The following FARS2 variants were observed in gnomAD, a reference collection of about 807,000 sequenced individuals.
FARS2 encodes the protein phenylalanyl-tRNA synthetase 2, mitochondrial, also known as phenylalanine--tRNA ligase, mitochondrial.
A neutral mutation model predicts 46.4 loss-of-function variants in FARS2; 40 were observed. The ratio of observed to expected loss-of-function variants is 0.86; its 90% confidence interval spans 0.67 to 1.12. The LOEUF is 1.12. Ranked by LOEUF, FARS2 falls within the 50% of genes most tolerant of loss-of-function variation. The probability of loss-of-function intolerance (pLI) is 0.00; values close to 1 mark genes in which losing one functional copy is unlikely to be tolerated. For synonymous variants in FARS2, 234 were observed against 214.9 expected, an observed-to-expected ratio of 1.09 and a Z score of -0.78; for missense variants, 513 against 567.9, an observed-to-expected ratio of 0.90 and a Z score of 0.98.
At chr6:5,447,206 A>G (rs148744724) in intron 4 of FARS2, among the ~76,000 whole-genome samples, 154 of 152,304 alleles carry the variant, frequency 1.0e-3, no homozygotes, top group Non-Finnish European at 1.9e-3. Flanking sequence ...GCGCTAAATG[A>G]TGAGGGCAGG....
chr6:5,574,485 T>C (rs1270870227), intron 5 of FARS2, among the ~76,000 whole-genome samples: 1 of 152,222 alleles, frequency 6.6e-6, no homozygotes, highest in Non-Finnish European at 1.5e-5. Context: ...AAACACCCTA[T>C]GCCTCCCTCA....
intron 6 of FARS2, among the ~76,000 whole-genome samples, chr6:5,628,276 A>C (rs954160338): frequency 5.9e-5 from 9 of 152,200 alleles, no homozygotes; most frequent in African/African-American, 2.2e-4. Context: ...TTTCTGAAGG[A>C]AGGTAACATG....
At chr6:5,543,878 TTGTTTGC>T (rs2150496682) in intron 4 of FARS2, among the ~76,000 whole-genome samples, 1 of 137,734 alleles carries the variant, frequency 7.3e-6, no homozygotes, top group Non-Finnish European at 1.6e-5. Flanking sequence ...TTATGTTTGT[TTGTTTGC>T]TTTTTTTTTT....
intron 5 of FARS2, among the ~76,000 whole-genome samples, chr6:5,589,099 A>C (rs1019672298): frequency 6.6e-5 from 10 of 152,172 alleles, no homozygotes; most frequent in Admixed American, 4.6e-4. Context: ...AAGGAACTGC[A>C]TCTCTGATAC....
chr6:5,536,187 G>A (rs953179103), intron 4 of FARS2, among the ~76,000 whole-genome samples: 2 of 151,930 alleles, frequency 1.3e-5, no homozygotes, highest in African/African-American at 4.8e-5. Flanking sequence ...AAGTAGCTGG[G>A]ACTACAGGCT....
chr6:5,451,011 G>C (rs1764460076), intron 4 of FARS2, among the ~76,000 whole-genome samples: 1 of 152,120 alleles, frequency 6.6e-6, no homozygotes, highest in South Asian at 2.1e-4. Context: ...CAGGAATCTA[G>C]TATTTTAGAT....
At chr6:5,299,992 T>A (rs1437795868) in intron 1 of FARS2, among the ~76,000 whole-genome samples, 1 of 152,210 alleles carries the variant, frequency 6.6e-6, no homozygotes, top group East Asian at 1.9e-4. Context: ...TTTTTATTTA[T>A]ATATGAGAGC....
intron 6 of FARS2, among the ~76,000 whole-genome samples, chr6:5,670,662 G>A (rs988239830): frequency 6.6e-6 from 1 of 152,182 alleles, no homozygotes; most frequent in Middle Eastern, 3.2e-3. Flanking sequence ...ATGCTTCTGA[G>A]TAGGATCCTG....
intron 1 of FARS2, among the ~76,000 whole-genome samples, chr6:5,319,881 A>G (rs1056945489): frequency 4.6e-5 from 7 of 152,182 alleles, no homozygotes; most frequent in African/African-American, 1.7e-4. Context: ...CTAACAACCT[A>G]TACTTAGATG....
chr6:5,341,235 A>ATTTTTT lies in FARS2; in HGVS notation c.-21-27298_-21-27293dup, dbSNP rs70974193. On this transcript the variant is annotated intron_variant, in intron 1 of 6. Coordinates refer to ENST00000274680, the MANE Select transcript of FARS2 (RefSeq NM_006567.5). ...TATATATATATATATATATATATAT[A>ATTTTTT]TTTTTTTTTTTTTTTTTTTTTTCCC... Among the ~76,000 whole-genome samples, 10 of 10,276 alleles carry ATTTTTT rather than the reference A, an allele frequency of 9.7e-4. 3 individuals are homozygous for ATTTTTT. The highest frequency in any genetic ancestry group is 1.8e-3 in the Non-Finnish European group (9 of 5,036). 6.7% of individuals were successfully genotyped at this position (10,276 alleles called of 152,430 possible).
rs575412529 is a variant in FARS2, at chr6:5,710,043, G to A, written c.1218-61248G>A. Among the ~76,000 whole-genome samples the A allele has an allele frequency of 6.6e-5, 10 of 152,288 alleles. No individual in the cohort carries two copies. The East Asian group carries it at 9.7e-4, about 15-fold the overall frequency. ...AAACCCGTGGTGGCTGCTGGCCAACGCAGACCCTTGTCTCCTGAGATGAGT... is the reference window on the plus strand; with the variant it reads ...AAACCCGTGGTGGCTGCTGGCCAACACAGACCCTTGTCTCCTGAGATGAGT... On this transcript the variant is annotated intron_variant, in intron 6 of 6. Coordinates refer to ENST00000274680, the MANE Select transcript of FARS2 (RefSeq NM_006567.5).
intron 3 of FARS2, 50 bp from the exon 4 acceptor site, chr6:5,430,991 G>A: frequency 6.3e-7 from 1 of 1,584,328 alleles, no homozygotes; most frequent in South Asian, 1.2e-5. Context: ...CACAAGAAAG[G>A]GCAGACAGCT....
chr6:5,530,696 CAA>C lies in FARS2; in HGVS notation c.905-14483_905-14482del, dbSNP rs111838100. On this transcript the variant is annotated intron_variant, in intron 4 of 6. Coordinates refer to ENST00000274680, the MANE Select transcript of FARS2 (RefSeq NM_006567.5). Reference sequence around the variant, plus strand: ...ATTTATAAATATAAAATATATATAACAATAACAATATCTATATAGCTATATAT... The same window carrying C: ...ATTTATAAATATAAAATATATATAACTAACAATATCTATATAGCTATATAT... 1.4e-3 allele frequency among the ~76,000 whole-genome samples: 205 copies of C among 144,996 alleles called. 3 individuals are homozygous for C. The highest frequency in any genetic ancestry group is 4.9e-3 in the African/African-American group (197 of 39,988).
At chr6:5,506,813 G>A (rs1285698246) in intron 4 of FARS2, among the ~76,000 whole-genome samples, 1 of 152,202 alleles carries the variant, frequency 6.6e-6, no homozygotes, top group South Asian at 2.1e-4. Flanking sequence ...CTGAAAGTTC[G>A]TGAACAATAA....
intron 6 of FARS2, among the ~76,000 whole-genome samples, chr6:5,691,400 T>G (rs1757704684): frequency 6.6e-6 from 1 of 152,218 alleles, no homozygotes; most frequent in South Asian, 2.1e-4. Context: ...TTAGTTTTCC[T>G]TCTAACAGTC....
intron 4 of FARS2, among the ~76,000 whole-genome samples, chr6:5,526,582 A>G (rs542771965): frequency 1.3e-5 from 2 of 152,266 alleles, no homozygotes; most frequent in South Asian, 4.1e-4. Flanking sequence ...TATGAAAGCC[A>G]CTATTATGCC....
chr6:5,677,550 G>A (rs930610234), intron 6 of FARS2, among the ~76,000 whole-genome samples: 6 of 152,212 alleles, frequency 3.9e-5, no homozygotes, highest in African/African-American at 1.4e-4. Context: ...GGGAGCCAGT[G>A]CCACAGGTAA....
chr6:5,705,891 C>T (rs1227788487), intron 6 of FARS2, among the ~76,000 whole-genome samples: 4 of 152,178 alleles, frequency 2.6e-5, no homozygotes, highest in South Asian at 2.1e-4. Flanking sequence ...TCGCTGCCTC[C>T]TCTGAACCTC....
chr6:5,556,331 C>T (rs1158230814), intron 5 of FARS2, among the ~76,000 whole-genome samples: 6 of 151,958 alleles, frequency 3.9e-5, no homozygotes, highest in Admixed American at 6.6e-5. Context: ...TCAGGGTCAT[C>T]GTGGCGCATT....
Sources: gnomAD v4.1 joint callset for allele counts (sites outside exome capture counted in the v4.1 genomes callset) on GRCh38, gnomAD v4.1.1 for gene constraint, MANE v1.5 for transcripts, NCBI Gene and HGNC (gene_info 2026-07-23, HGNC 2026-07-21) for gene names.